FBXO36: variants seen among roughly 807,000 people sequenced by gnomAD.
FBXO36 encodes the protein F-box protein 36.
FBXO36 carries 18 observed loss-of-function variants against 17.0 expected under a neutral mutation model. The ratio of observed to expected loss-of-function variants is 1.06; its 90% CI spans 0.73 to 1.57. FBXO36 has a LOEUF of 1.57. Among genes scored for constraint, FBXO36 ranks in the 40% most tolerant of loss-of-function variants. The pLI, the probability that FBXO36 is intolerant of heterozygous loss-of-function variation, is 0.00. For missense variants in FBXO36, 229 were observed against 221.9 expected, an observed-to-expected ratio of 1.03 and a Z score of -0.20; for synonymous variants, 83 against 85.3, an observed-to-expected ratio of 0.97 and a Z score of 0.15.
At chr2:229,969,808 C>G (rs1382778015) in intron 1 of FBXO36, among the ~76,000 whole-genome samples, 1 of 152,172 alleles carries the variant, frequency 6.6e-6, no homozygotes, top group East Asian at 1.9e-4. Flanking sequence ...TTGTAAACCA[C>G]ATATCTGACA....
At chr2:229,997,130 C>T (rs1182289273) in intron 3 of FBXO36, among the ~76,000 whole-genome samples, 1 of 151,882 alleles carries the variant, frequency 6.6e-6, no homozygotes, top group Admixed American at 6.6e-5. Flanking sequence ...AATTATAATA[C>T]AGCGTGATCA....
intron 1 of FBXO36, among the ~76,000 whole-genome samples, chr2:229,976,018 A>G (rs2077206419): frequency 6.6e-6 from 1 of 152,084 alleles, no homozygotes; most frequent in Non-Finnish European, 1.5e-5. Flanking sequence ...GACCTGATCG[A>G]TTTTAAAAGT....
At chr2:229,968,894 C>T (rs1157253323) in intron 1 of FBXO36, among the ~76,000 whole-genome samples, 1 of 151,948 alleles carries the variant, frequency 6.6e-6, no homozygotes, top group South Asian at 2.1e-4. Context: ...ATGCCTCAGC[C>T]TCCCGAGTAG....
intron 1 of FBXO36, among the ~76,000 whole-genome samples, chr2:229,928,931 G>A (rs1469140222): frequency 6.6e-6 from 1 of 150,856 alleles, no homozygotes; most frequent in Admixed American, 6.6e-5. Flanking sequence ...CATCCTTAAG[G>A]AGGATTTAGT....
chr2:229,972,325 C>T (rs2077185085), intron 1 of FBXO36, among the ~76,000 whole-genome samples: 2 of 152,006 alleles, frequency 1.3e-5, no homozygotes, highest in African/African-American at 4.8e-5. Flanking sequence ...TTAACAATTA[C>T]TAGTAATTAG....
At chr2:229,930,705 T>C (rs1176845914) in intron 1 of FBXO36, among the ~76,000 whole-genome samples, 1 of 152,114 alleles carries the variant, frequency 6.6e-6, no homozygotes, top group African/African-American at 2.4e-5. Context: ...GAACCACGAT[T>C]GCGCCACTGC....
At chr2:229,931,799 A>G (rs918675354) in intron 1 of FBXO36, among the ~76,000 whole-genome samples, 1 of 152,190 alleles carries the variant, frequency 6.6e-6, no homozygotes, top group Non-Finnish European at 1.5e-5. Flanking sequence ...AGATCGTGCC[A>G]TTGCACTCTG....
At chr2:229,952,810 T>C (rs1390182419) in intron 1 of FBXO36, among the ~76,000 whole-genome samples, 11 of 152,136 alleles carry the variant, frequency 7.2e-5, no homozygotes, top group Admixed American at 7.2e-4. Flanking sequence ...GTGCAACTGA[T>C]AACGAACTAC....
chr2:229,928,893 T>C (rs966056860), intron 1 of FBXO36, among the ~76,000 whole-genome samples: 2 of 152,102 alleles, frequency 1.3e-5, no homozygotes, highest in Admixed American at 1.3e-4. Flanking sequence ...CCCAAAGTGC[T>C]GGGATTACAA....
chr2:229,986,943 G>T (rs2077271503), intron 2 of FBXO36, among the ~76,000 whole-genome samples: 1 of 151,468 alleles, frequency 6.6e-6, no homozygotes, highest in Non-Finnish European at 1.5e-5. Flanking sequence ...CTCTGGCTGG[G>T]CACAGTGGCT....
chr2:229,965,124 G>A (rs189681734), intron 1 of FBXO36, among the ~76,000 whole-genome samples: 78 of 148,298 alleles, frequency 5.3e-4, no homozygotes, highest in African/African-American at 1.8e-3. Flanking sequence ...TTTTTAATAC[G>A]CAGACCCTTT....
intron 1 of FBXO36, among the ~76,000 whole-genome samples, chr2:229,924,202 C>G (rs922430385): frequency 4.6e-5 from 7 of 152,176 alleles, no homozygotes; most frequent in Non-Finnish European, 8.8e-5. Flanking sequence ...AAGCGATTCT[C>G]CTGCCTCAGC....
rs187530910 is a variant in FBXO36, at chr2:229,976,316, C to T, written c.172C>T (p.His58Tyr). The change falls in exon 2 of 4, where the codon CAT becomes TAT. Residue 58 changes from histidine to tyrosine, a missense_variant. Physicochemically the swap from His to Tyr is moderately conservative, Grantham distance 83 (BLOSUM62 2). Coordinates refer to ENST00000283946, the MANE Select transcript of FBXO36 (RefSeq NM_174899.5). ...AAAACCTGGAGAAGCAAAAGAAACC[C>T]ATGAAGACTTCCTAGAGAATTCACA... is the stretch of plus-strand genomic sequence containing the variant. ...STKPGEAKET[H>Y]EDFLENSHLQ... The T allele has an allele frequency of 9.9e-6, 16 of 1,613,640 alleles. No homozygotes were observed. In the East Asian group the frequency reaches 3.3e-4, roughly 34 times the overall value.
intron 2 of FBXO36, 36 bp from the exon 3 acceptor site, chr2:229,996,715 G>A (rs562328679): frequency 6.5e-5 from 102 of 1,580,444 alleles, no homozygotes; most frequent in Non-Finnish European, 8.6e-5. Context: ...TTATGTGACT[G>A]TATATGATAA....
chr2:230,005,293 G>A (rs11675466), intron 3 of FBXO36, among the ~76,000 whole-genome samples: 37,526 of 123,600 alleles, frequency 0.3, 4,800 homozygotes, highest in South Asian at 0.36. Context: ...GTAGAGACTG[G>A]GTCTTGCTAT....
At chr2:229,937,441 G>A (rs1318947757) in intron 1 of FBXO36, among the ~76,000 whole-genome samples, 1 of 152,162 alleles carries the variant, frequency 6.6e-6, no homozygotes, top group East Asian at 1.9e-4. Flanking sequence ...GTTGCAGTGA[G>A]CAGAGATTGT....
At chr2:229,923,347 T>A (rs192696824) in intron 1 of FBXO36, 248 of 152,386 alleles carry the variant, frequency 1.6e-3, no homozygotes, top group African/African-American at 5.6e-3. Flanking sequence ...GATGATTTAC[T>A]GTGTCCATGA....
chr2:229,936,384 C>CT (rs2076964041), intron 1 of FBXO36, among the ~76,000 whole-genome samples: 1 of 152,120 alleles, frequency 6.6e-6, no homozygotes, highest in East Asian at 1.9e-4. Context: ...AGTTTCCAAA[C>CT]TTTTTAAAAC....
intron 1 of FBXO36, among the ~76,000 whole-genome samples, chr2:229,923,868 T>TTTTC (rs1430690972): frequency 7.0e-6 from 1 of 142,622 alleles, no homozygotes; most frequent in East Asian, 2.0e-4. Flanking sequence ...TTTTTTTTTT[T>TTTTC]TTTGAGACGG....
Sources: gnomAD v4.1 joint callset for allele counts (sites outside exome capture counted in the v4.1 genomes callset) on GRCh38, gnomAD v4.1.1 for gene constraint, MANE v1.5 for transcripts, NCBI Gene and HGNC (gene_info 2026-07-23, HGNC 2026-07-21) for gene names.